MGST1: variants seen among roughly 807,000 people sequenced by gnomAD.
MGST1 encodes microsomal glutathione S-transferase 1, also known as glutathione S-transferase 12.
Under a neutral mutation model 8.9 loss-of-function variants are expected in MGST1, and 5 were observed. That is an observed-to-expected ratio of 0.56 (90% CI 0.29 to 1.19). The LOEUF is 1.19. Ranked by LOEUF, MGST1 falls within the 50% of genes most tolerant of loss-of-function variation. The pLI is 0.08. For synonymous variants in MGST1, 54 were observed against 67.8 expected, an observed-to-expected ratio of 0.80 and a Z score of 1.00; for missense variants, 182 against 187.4, an observed-to-expected ratio of 0.97 and a Z score of 0.17.
chr12:16,509,731 T>C lies in MGST1; in HGVS notation n.483-79797T>C, dbSNP rs373333957. Among the ~76,000 whole-genome samples the C allele has an allele frequency of 2.1e-4, 32 of 152,318 alleles. No homozygotes were observed. The East Asian group carries it at 2.7e-3, about 13-fold the overall frequency. ...GTCTTCCGGAGTCAGTTTTGTCAAC[T>C]ATGTTGGTCTCTTGTGCCTGAAACA... On this transcript the variant is annotated intron_variant and non_coding_transcript_variant, in intron 4 of 4. Coordinates refer to the MGST1 transcript ENST00000538857.
Position 16,555,003 on chromosome 12 carries a change from CT to C in MGST1, n.483-34523del, listed in dbSNP as rs1942142601. Among the ~76,000 whole-genome samples the C allele has an allele frequency of 6.6e-6, 1 of 152,290 alleles. No individual in the cohort carries two copies. The highest frequency in any genetic ancestry group is 2.1e-4 in the South Asian group (1 of 4,830). Reference sequence around the variant, plus strand: ...TCTACCACTTTCTTCTAACTGTAATCTTGGGCAAGTTACTTACATTTCCTAT... The same window carrying C: ...TCTACCACTTTCTTCTAACTGTAATCTGGGCAAGTTACTTACATTTCCTAT... On this transcript the variant is annotated intron_variant and non_coding_transcript_variant, in intron 4 of 4. Coordinates refer to the MGST1 transcript ENST00000538857. The surrounding 1 kb of genome is among the most constrained non-coding windows in gnomAD (Gnocchi z 5.5).
downstream of MGST1, among the ~76,000 whole-genome samples, chr12:16,439,188 G>A (rs1206339156): frequency 2.0e-5 from 3 of 151,322 alleles, no homozygotes; most frequent in African/African-American, 4.8e-5. Context: ...AAAACCAGAG[G>A]ACTATTTTAG....
In MGST1 at chr12:16,517,190, G is replaced by A. The variant is rs1176252470; in HGVS notation, n.483-72338G>A. Among the ~76,000 whole-genome samples the A allele has an allele frequency of 3.9e-5, 6 of 152,160 alleles. No individual in the cohort carries two copies. The highest frequency in any genetic ancestry group is 8.8e-5 in the Non-Finnish European group (6 of 68,034). On this transcript the variant is annotated intron_variant and non_coding_transcript_variant, in intron 4 of 4. Coordinates refer to the MGST1 transcript ENST00000538857. The surrounding 1 kb of genome is among the most constrained non-coding windows in gnomAD (Gnocchi z 4.2). Reference sequence around the variant, plus strand: ...TTCACAATCATCTGATCGAATATATGAGATCTAATGAAAGACTCTTAGAAG... The same window carrying A: ...TTCACAATCATCTGATCGAATATATAAGATCTAATGAAAGACTCTTAGAAG...
At chr12:16,591,623 G>A (rs1405624055), downstream of MGST1, among the ~76,000 whole-genome samples, 1 of 152,034 alleles carries the variant, frequency 6.6e-6, no homozygotes, top group East Asian at 1.9e-4. The surrounding 1 kb of genome is among the most constrained non-coding windows in gnomAD (Gnocchi z 4.1). Flanking sequence ...GAATGGGGAT[G>A]ATTGTTTTGC....
chr12:16,475,535 G>A (rs1322135357), intron 4 of MGST1, among the ~76,000 whole-genome samples: 4 of 152,068 alleles, frequency 2.6e-5, no homozygotes, highest in Non-Finnish European at 4.4e-5. Flanking sequence ...CCTTATTCCA[G>A]TTAGCCAAGA....
At chr12:16,493,938 C>T (rs1941454933) in intron 4 of MGST1, among the ~76,000 whole-genome samples, 1 of 152,086 alleles carries the variant, frequency 6.6e-6, no homozygotes, top group Non-Finnish European at 1.5e-5. Context: ...TATAGATTGT[C>T]TCAAGGGGGA....
rs1443711942 is a variant in MGST1 at position 16,547,925 on chromosome 12, T to C, written n.483-41603T>C. Among the ~76,000 whole-genome samples the C allele has an allele frequency of 6.6e-6, 1 of 152,180 alleles. No individual in the cohort carries two copies. Among genetic ancestry groups the C allele is most frequent in the Non-Finnish European group, 1.5e-5 (1 of 68,016 alleles). ...AGTGATAGTTAAAAGGAAAACACTT[T>C]TGCATGGCATGTTTTACTACAGATA... On this transcript the variant is annotated intron_variant and non_coding_transcript_variant, in intron 4 of 4. Transcript: ENST00000538857. This position sits in a 1 kb window ranked among gnomAD's most constrained non-coding sequence, Gnocchi z 4.6.
At chr12:16,518,006 C>A (rs892146827) in intron 4 of MGST1, among the ~76,000 whole-genome samples, 1 of 152,238 alleles carries the variant, frequency 6.6e-6, no homozygotes, top group African/African-American at 2.4e-5. Flanking sequence ...GGTGGTCACA[C>A]TGAGGTCTTC....
chr12:16,448,235 T>C (rs992586618), intron 4 of MGST1, among the ~76,000 whole-genome samples: 1 of 151,932 alleles, frequency 6.6e-6, no homozygotes, highest in African/African-American at 2.4e-5. Flanking sequence ...TAACAAATAC[T>C]TACTGAATTT....
intron 4 of MGST1, among the ~76,000 whole-genome samples, chr12:16,502,443 A>AGTTTACC (rs1188499874): frequency 6.6e-6 from 1 of 152,164 alleles, no homozygotes; most frequent in Non-Finnish European, 1.5e-5. Context: ...ACAAATTTTT[A>AGTTTACC]GTTTACCATT....
At chr12:16,477,552 A>G (rs756731940) in intron 4 of MGST1, among the ~76,000 whole-genome samples, 1 of 152,226 alleles carries the variant, frequency 6.6e-6, no homozygotes, top group Non-Finnish European at 1.5e-5. Context: ...ATTTTTAAAA[A>G]TAAAATTACT....
intron 3 of MGST1, among the ~76,000 whole-genome samples, chr12:16,371,540 C>G (rs1260062034): frequency 6.6e-6 from 1 of 152,008 alleles, no homozygotes; most frequent in Admixed American, 6.6e-5. Flanking sequence ...CACAAGCTAA[C>G]AATGATCAAT....
At chr12:16,509,204 CA>C (rs1284471517) in intron 4 of MGST1, among the ~76,000 whole-genome samples, 1 of 152,010 alleles carries the variant, frequency 6.6e-6, no homozygotes, top group African/African-American at 2.4e-5. Flanking sequence ...TGCCTTAAGA[CA>C]GTGTTAATAA....
intron 4 of MGST1, among the ~76,000 whole-genome samples, chr12:16,522,826 A>G (rs1204976104): frequency 2.6e-5 from 4 of 152,082 alleles, no homozygotes; most frequent in African/African-American, 9.7e-5. Flanking sequence ...CTTTCTACCT[A>G]GAGAAACTTG....
At chr12:16,439,168 AC>A (rs1434748458), downstream of MGST1, among the ~76,000 whole-genome samples, 1 of 151,738 alleles carries the variant, frequency 6.6e-6, no homozygotes, top group African/African-American at 2.4e-5. Context: ...ATTGCATAGA[AC>A]CCTGTCACAA....
chr12:16,420,558 A>C (rs1591722767), intron 1 of MGST1, among the ~76,000 whole-genome samples: 1 of 152,158 alleles, frequency 6.6e-6, no homozygotes, highest in South Asian at 2.1e-4. Context: ...GAGTGAAGGG[A>C]GGAGAAAGGG....
intron 1 of MGST1, among the ~76,000 whole-genome samples, chr12:16,407,127 C>A (rs947218381): frequency 6.6e-6 from 1 of 152,154 alleles, no homozygotes; most frequent in African/African-American, 2.4e-5. Flanking sequence ...AGAGACGAGA[C>A]AACCTACAGA....
intron 1 of MGST1, among the ~76,000 whole-genome samples, chr12:16,433,744 T>A (rs1940959450): frequency 6.6e-6 from 1 of 152,058 alleles, no homozygotes; most frequent in Admixed American, 6.6e-5. Context: ...ACACATAAAA[T>A]TAACCATCAC....
At chr12:16,352,696 A>T (rs1238038220) in intron 1 of MGST1, among the ~76,000 whole-genome samples, 2 of 152,246 alleles carry the variant, frequency 1.3e-5, no homozygotes, top group Admixed American at 6.5e-5. Flanking sequence ...AGACACAGAT[A>T]ACTACATTCC....
Sources: allele counts gnomAD v4.1 joint callset (sites outside exome capture counted in the v4.1 genomes callset), GRCh38; gene constraint gnomAD v4.1.1; non-coding constraint Gnocchi (gnomAD v3.1); transcripts MANE v1.5; gene names NCBI Gene and HGNC (gene_info 2026-07-23, HGNC 2026-07-21).